KALRN: variants seen among roughly 807,000 people sequenced by gnomAD.
KALRN encodes the protein kalirin RhoGEF kinase.
In KALRN, 70 loss-of-function variants were observed where a neutral mutation model predicts 353.7. The ratio of observed to expected loss-of-function variants is 0.20; its 90% CI spans 0.16 to 0.24. The LOEUF (loss-of-function observed/expected upper bound fraction) is 0.24. Among genes scored for constraint, KALRN ranks in the 10% least tolerant of loss-of-function variants. The probability of loss-of-function intolerance (pLI) is 1.00; values close to 1 mark genes in which losing one functional copy is unlikely to be tolerated. For missense variants in KALRN, 2,791 were observed against 3,756.7 expected, an observed-to-expected ratio of 0.74 and a Z score of 6.72; for synonymous variants, 1,391 against 1,434.8, an observed-to-expected ratio of 0.97 and a Z score of 0.69.
chr3:124,046,658 C>T (rs542795552), intron 1 of KALRN, among the ~76,000 whole-genome samples: 3 of 152,246 alleles, frequency 2.0e-5, no homozygotes, highest in South Asian at 2.1e-4. Flanking sequence ...GTGATTTGGA[C>T]GAGATGTCTA....
intron 3 of KALRN, among the ~76,000 whole-genome samples, chr3:124,241,453 C>A (rs1579906268): frequency 6.6e-6 from 1 of 152,212 alleles, no homozygotes; most frequent in Middle Eastern, 3.4e-3. Context: ...TAAAGTGTCT[C>A]TTGAGAAGTT....
chr3:124,462,499 T>G (rs775449369), intron 24 of KALRN, 25 bp from the exon 25 acceptor site: 1 of 1,364,612 alleles, frequency 7.3e-7, no homozygotes, highest in East Asian at 2.3e-5. Context: ...GACTTGCCAG[T>G]GATGAAACTG....
chr3:124,050,887 G>A (rs970747492), intron 1 of KALRN, among the ~76,000 whole-genome samples: 7 of 152,136 alleles, frequency 4.6e-5, no homozygotes, highest in African/African-American at 1.7e-4. Context: ...CTCTTTGCCT[G>A]CTGCTATAAC....
intron 10 of KALRN, among the ~76,000 whole-genome samples, chr3:124,360,747 C>T (rs956019856): frequency 1.3e-5 from 2 of 152,194 alleles, no homozygotes; most frequent in Non-Finnish European, 2.9e-5. Flanking sequence ...GCAGAATCAA[C>T]TTCCTTTCTC....
intron 33 of KALRN, among the ~76,000 whole-genome samples, chr3:124,552,852 G>A (rs2070718067): frequency 6.6e-6 from 1 of 152,078 alleles, no homozygotes; most frequent in Non-Finnish European, 1.5e-5. Flanking sequence ...TGCAACCTCC[G>A]CCTCCCAGGT....
At chr3:124,646,815 A>G (rs2082815167) in intron 37 of KALRN, among the ~76,000 whole-genome samples, 2 of 143,530 alleles carry the variant, frequency 1.4e-5, no homozygotes, top group African/African-American at 5.2e-5. Context: ...AGACATATTC[A>G]GTATTGAAAT....
At chr3:124,664,376 C>CGT (rs1241577321) in intron 45 of KALRN, among the ~76,000 whole-genome samples, 12 of 145,954 alleles carry the variant, frequency 8.2e-5, no homozygotes, top group African/African-American at 2.1e-4. Flanking sequence ...TGTGTGCGCG[C>CGT]GCGCGCATAT....
intron 16 of KALRN, among the ~76,000 whole-genome samples, chr3:124,433,721 C>G (rs1402655871): frequency 1.3e-5 from 2 of 152,116 alleles, no homozygotes; most frequent in African/African-American, 4.8e-5. Flanking sequence ...CTGTTATGCC[C>G]CCCAGTGAAG....
rs61485429 is a variant in KALRN at position 124,411,433 on chromosome 3, C to CTTTTTTTTTTTTTT, written c.2347-2022_2347-2009dup. Among the ~76,000 whole-genome samples, 155 of 51,482 alleles carry CTTTTTTTTTTTTTT rather than the reference C, an allele frequency of 3.0e-3. 39 individuals are homozygous for CTTTTTTTTTTTTTT. The highest frequency in any genetic ancestry group is 6.1e-3 in the South Asian group (5 of 814). The allele number at this position is 51,482 out of a possible 152,430, so 33.8% of individuals were successfully genotyped here. On this transcript the variant is annotated intron_variant, in intron 13 of 59. Coordinates refer to ENST00000682506, the MANE Select transcript of KALRN (RefSeq NM_001388419.1). ...AAGCCTATGTATACTTTAAATTATG[C>CTTTTTTTTTTTTTT]TTTTTTTTTTTTTTTTTTTTTTTTT...
chr3:124,635,164 T>A (rs2081220883), intron 36 of KALRN, among the ~76,000 whole-genome samples: 1 of 152,266 alleles, frequency 6.6e-6, no homozygotes, highest in Non-Finnish European at 1.5e-5. Context: ...AGAGACATAG[T>A]AGGAAGGCTG....
chr3:124,674,153 T>C (rs2086862929), intron 48 of KALRN, among the ~76,000 whole-genome samples: 1 of 152,184 alleles, frequency 6.6e-6, no homozygotes, highest in African/African-American at 2.4e-5. Context: ...CCATTCACCC[T>C]GGATGATAAT....
chr3:124,483,052 A>G, intron 28 of KALRN, 152 bp downstream of exon 28: 2 of 642,088 alleles, frequency 3.1e-6, no homozygotes, highest in Non-Finnish European at 5.7e-6. Flanking sequence ...TCGCTGTCCT[A>G]TCCCATGGAA....
chr3:124,612,773 A>C (rs957440471), intron 34 of KALRN, among the ~76,000 whole-genome samples: 1 of 152,210 alleles, frequency 6.6e-6, no homozygotes, highest in African/African-American at 2.4e-5. Flanking sequence ...TGTCTCCTAC[A>C]CTTGCTATAG....
At chr3:124,359,458 C>G (rs2149671814) in intron 10 of KALRN, among the ~76,000 whole-genome samples, 1 of 152,304 alleles carries the variant, frequency 6.6e-6, no homozygotes, top group Middle Eastern at 3.4e-3. Context: ...AAAATCTACC[C>G]CCCTAGTAGT....
At chr3:124,531,766 T>C (rs2109161799) in intron 33 of KALRN, among the ~76,000 whole-genome samples, 1 of 152,296 alleles carries the variant, frequency 6.6e-6, no homozygotes, top group East Asian at 1.9e-4. Flanking sequence ...TCCAGTCACT[T>C]CCCACCAGGA....
At chr3:124,433,661 G>A (rs75380761) in intron 16 of KALRN, among the ~76,000 whole-genome samples, 3,263 of 151,752 alleles carry the variant, frequency 0.022, 114 homozygotes, top group African/African-American at 0.074. Context: ...CTCCTCAAGG[G>A]ATATGTAAAT....
At chr3:124,575,300 A>C (rs2073984938) in intron 34 of KALRN, among the ~76,000 whole-genome samples, 1 of 152,160 alleles carries the variant, frequency 6.6e-6, no homozygotes, top group Admixed American at 6.5e-5. Flanking sequence ...CAGGAGGGCG[A>C]ACAGATAATT....
chr3:124,459,100 A>G (rs955381741), intron 23 of KALRN, among the ~76,000 whole-genome samples: 1 of 152,196 alleles, frequency 6.6e-6, no homozygotes, highest in Non-Finnish European at 1.5e-5. Context: ...CCAGAAGAAA[A>G]TAAGGCATGC....
chr3:124,330,013 C>A (rs2080343746), intron 8 of KALRN, 21 bp downstream of exon 8: 1 of 1,611,108 alleles, frequency 6.2e-7, no homozygotes, highest in Non-Finnish European at 8.5e-7. Flanking sequence ...AGCAGGGCAA[C>A]CATGGTTCTT....
Sources: gnomAD v4.1 joint callset for allele counts (sites outside exome capture counted in the v4.1 genomes callset) on GRCh38, gnomAD v4.1.1 for gene constraint, MANE v1.5 for transcripts, NCBI Gene and HGNC (gene_info 2026-07-23, HGNC 2026-07-21) for gene names.